RNF167: variants seen among roughly 807,000 people sequenced by gnomAD.
RNF167 encodes ring finger protein 167, also known as E3 ubiquitin-protein ligase RNF167.
RNF167 carries 19 observed loss-of-function variants against 34.8 expected under a neutral mutation model. The ratio of observed to expected loss-of-function variants is 0.55; its 90% confidence interval spans 0.38 to 0.80. RNF167 has a LOEUF of 0.80. Among genes scored for constraint, RNF167 ranks in the 30% least tolerant of loss-of-function variants. The pLI, the probability that RNF167 is intolerant of heterozygous loss-of-function variation, is 0.00. For missense variants in RNF167, 464 were observed against 447.0 expected, an observed-to-expected ratio of 1.04 and a Z score of -0.34; for synonymous variants, 200 against 170.4, an observed-to-expected ratio of 1.17 and a Z score of -1.35.
In RNF167 at chr17:4,943,446, C is replaced by G. The variant is rs1464234149; in HGVS notation, c.597C>G (p.His199Gln). The G allele has an allele frequency of 1.2e-6, 2 of 1,613,810 alleles. No homozygotes were observed. The highest frequency in any genetic ancestry group is 1.3e-5 in the African/African-American group (1 of 74,898). Reference protein sequence around the residue: ...GAVMIARCIQHRKRLQRNRLT... With the variant: ...GAVMIARCIQQRKRLQRNRLT... ...CCCAGATAGCTCGTTGTATCCAGCACCGGAAACGGCTCCAGCGGAATCGAC... is the reference window on the plus strand; with the variant it reads ...CCCAGATAGCTCGTTGTATCCAGCAGCGGAAACGGCTCCAGCGGAATCGAC... Residue 199 changes from histidine to glutamine, a missense_variant, in exon 8 of 10, where the codon CAC (histidine) becomes CAG (glutamine). By Grantham distance (24) the His-to-Gln change is conservative (BLOSUM62 0). Transcript: ENST00000262482.
chr17:4,944,687 A>G, intron 9 of RNF167, 28 bp from the exon 10 acceptor site: 1 of 1,614,090 alleles, frequency 6.2e-7, no homozygotes, highest in Middle Eastern at 1.6e-4. Context: ...AGCAGCCACC[A>G]GGTGCTTCAC....
At position 4,940,969 on chromosome 17, in the gene RNF167, C is replaced by T; in HGVS notation, c.60C>T (p.Ala20=). The change falls in exon 2 of 10, where the codon GCC becomes GCT. Residue 20 remains alanine (A), a synonymous_variant. Coordinates refer to ENST00000262482, the MANE Select transcript of RNF167 (RefSeq NM_015528.3). Reference sequence around the variant, plus strand: ...TGGCCGCTGTGCTGTGGGGAGCGGCCCCGACCCGGGGGCTCATTCGAGCGG... The same window carrying T: ...TGGCCGCTGTGCTGTGGGGAGCGGCTCCGACCCGGGGGCTCATTCGAGCGG... ...VVVAAVLWGA[A]PTRGLIRATS... is the part of the protein sequence containing the mutation. 6.2e-7 allele frequency: 1 copy of T among 1,612,284 alleles called. No individual in the cohort carries two copies. Among genetic ancestry groups the T allele is most frequent in the Non-Finnish European group, 8.5e-7 (1 of 1,178,688 alleles).
Position 4,944,972 on chromosome 17 carries a change from G to A in RNF167, c.1009G>A (p.Asp337Asn), listed in dbSNP as rs866470390. 1 of 1,591,760 alleles carries A rather than the reference G, an allele frequency of 6.3e-7. No individual in the cohort carries two copies. The highest frequency in any genetic ancestry group is 8.6e-7 in the Non-Finnish European group (1 of 1,168,702). ...APLVFPGPST[D>N]PPLSPPSSPV... Reference sequence around the variant, plus strand: ...CCTTGTTTTTCCTGGGCCTTCAACAGATCCCCCACTGTCCCCTCCCTCTTC... The same window carrying A: ...CCTTGTTTTTCCTGGGCCTTCAACAAATCCCCCACTGTCCCCTCCCTCTTC... The change falls in exon 10 of 10, where the codon GAT becomes AAT. Residue 337 changes from aspartate to asparagine, a missense_variant. Transcript: ENST00000262482.
Position 4,944,943 on chromosome 17 carries a change from C to T in RNF167, c.980C>T (p.Ala327Val), listed in dbSNP as rs148409943. 6.8e-6 allele frequency: 11 copies of T among 1,606,334 alleles called. No individual in the cohort carries two copies. The East Asian group carries it at 1.6e-4, about 23-fold the overall frequency. The change falls in exon 10 of 10, where the codon GCT (alanine) becomes GTT (valine). Residue 327 changes from alanine (A) to valine (V), a missense_variant. Ala to Val is a moderately conservative substitution (Grantham distance 64, BLOSUM62 0). Transcript: ENST00000262482. ...ACCTCCTTTGGTTCCTTAGCCCCAG[C>T]TCCCCTTGTTTTTCCTGGGCCTTCA... ...LPTSFGSLAP[A>V]PLVFPGPSTD...
intron 8 of RNF167, chr17:4,944,354 C>G (rs961248262): frequency 7.9e-7 from 1 of 1,265,822 alleles, no homozygotes; most frequent in African/African-American, 1.6e-5. Flanking sequence ...CAAAAACCCA[C>G]TTCCCTTCTT....
Position 4,944,995 on chromosome 17 carries a change from T to G in RNF167, c.1032T>G (p.Ser344=). The G allele has an allele frequency of 6.4e-7, 1 of 1,562,644 alleles. No homozygotes were observed. The highest frequency in any genetic ancestry group is 8.7e-7 in the Non-Finnish European group (1 of 1,154,472). Residue 344 remains serine, a synonymous_variant, in exon 10 of 10, where the codon TCT becomes TCG. Coordinates refer to ENST00000262482, the MANE Select transcript of RNF167 (RefSeq NM_015528.3). The part of the protein sequence containing the change: ...PSTDPPLSPP[S]SPVILV ...CAGATCCCCCACTGTCCCCTCCCTC[T>G]TCCCCTGTTATCCTGGTCTAATAAC...
intron 4 of RNF167, 25 bp downstream of exon 4, chr17:4,942,491 G>A: frequency 1.2e-6 from 2 of 1,613,580 alleles, no homozygotes; most frequent in South Asian, 1.1e-5. Context: ...AAGGGGAGCT[G>A]GGCAGCTGAG....
Position 4,942,581 on chromosome 17 carries a change from T to C in RNF167, c.296T>C (p.Leu99Pro). The stretch of plus-strand genomic sequence containing the variant: ...TCCTCTGCCTTGTCTCCCTAGGTCC[T>C]AAATGCCCAGAAGGCTGGATATGGT... The part of the protein sequence containing the change: ...RFDCNFDLKV[L>P]NAQKAGYGAA... Residue 99 changes from leucine (L) to proline (P), a missense_variant, in exon 5 of 10, where the codon CTA (leucine) becomes CCA (proline). By Grantham distance (98) the Leu-to-Pro change is moderately conservative. Coordinates refer to ENST00000262482, the MANE Select transcript of RNF167 (RefSeq NM_015528.3). 6.2e-7 allele frequency: 1 copy of C among 1,614,152 alleles called. No individual in the cohort carries two copies. The highest frequency in any genetic ancestry group is 8.5e-7 in the Non-Finnish European group (1 of 1,180,002).
rs753847486 is a variant in RNF167, at chr17:4,942,324, T to C, written c.166-17T>C. The C allele has an allele frequency of 1.2e-6, 2 of 1,612,318 alleles. No individual in the cohort carries two copies. On this transcript the variant is annotated splice_polypyrimidine_tract_variant and intron_variant, in intron 3 of 9. Transcript: ENST00000262482. The stretch of plus-strand genomic sequence containing the variant: ...TAGAAAGGAGAAATCTCACTGTTGT[T>C]TGCTTCCATCCTTCAGGGGTTCCTT...
In RNF167 at chr17:4,943,522, GA is replaced by G. The variant is rs1486528753; in HGVS notation, c.670+4del. 1 of 1,610,000 alleles carries G rather than the reference GA, an allele frequency of 6.2e-7. No homozygotes were observed. The highest frequency in any genetic ancestry group is 2.2e-5 in the East Asian group (1 of 44,876). ...TCCTACACATGACTATCAGAAGGGTGAGGGGGTTAGGGGAGAAGAGGGCTTT... is the reference window on the plus strand; with the variant it reads ...TCCTACACATGACTATCAGAAGGGTGGGGGGTTAGGGGAGAAGAGGGCTTT... On this transcript the variant is annotated splice_donor_region_variant and intron_variant, in intron 8 of 9. Coordinates refer to ENST00000262482, the MANE Select transcript of RNF167 (RefSeq NM_015528.3).
chr17:4,943,455 G>A lies in RNF167; in HGVS notation c.606G>A (p.Arg202=), dbSNP rs1413072568. ...MIARCIQHRK[R]LQRNRLTKEQ... ...CTCGTTGTATCCAGCACCGGAAACG[G>A]CTCCAGCGGAATCGACTTACCAAAG... Residue 202 remains arginine (R), a synonymous_variant, in exon 8 of 10, where the codon CGG becomes CGA. Coordinates refer to ENST00000262482, the MANE Select transcript of RNF167 (RefSeq NM_015528.3). 5.0e-6 allele frequency: 8 copies of A among 1,613,862 alleles called. No homozygotes were observed. Among genetic ancestry groups the A allele is most frequent in the South Asian group, 3.3e-5 (3 of 91,032 alleles).
In RNF167 at chr17:4,941,066, T is replaced by C; in HGVS notation, c.85-11T>C. 6.2e-7 allele frequency: 1 copy of C among 1,614,180 alleles called. No homozygotes were observed. Among genetic ancestry groups the C allele is most frequent in the South Asian group, 1.1e-5 (1 of 91,076 alleles). On this transcript the variant is annotated splice_polypyrimidine_tract_variant and intron_variant, in intron 2 of 9. Transcript: ENST00000262482. ...CAGGCTGAAGGGGAACATCGCCTTTTTTGTCCGCAGACCTCGGACCACAAT... is the reference window on the plus strand; with the variant it reads ...CAGGCTGAAGGGGAACATCGCCTTTCTTGTCCGCAGACCTCGGACCACAAT...
At chr17:4,942,823 C>G in intron 5 of RNF167, 28 bp from the exon 6 acceptor site, 1 of 1,608,610 alleles carries the variant, frequency 6.2e-7, no homozygotes, top group East Asian at 2.2e-5. Flanking sequence ...GGTTGTGAGT[C>G]CCCAGAGTAA....
chr17:4,944,176 G>A (rs1229565510), intron 8 of RNF167, among the ~76,000 whole-genome samples: 1 of 152,214 alleles, frequency 6.6e-6, no homozygotes, highest in African/African-American at 2.4e-5. Flanking sequence ...GATGTGGACA[G>A]AGCAGAAAAA....
rs896774479 is a variant in RNF167, at chr17:4,940,301, G to A, written c.-483G>A. 1.1e-5 allele frequency: 2 copies of A among 177,918 alleles called. No homozygotes were observed. Among genetic ancestry groups the A allele is most frequent in the African/African-American group, 4.7e-5 (2 of 42,136 alleles). The allele number at this position is 177,918 out of a possible 1,614,324, so 11.0% of individuals were successfully genotyped here. A position where few individuals can be genotyped will look rare whatever the true frequency, so the allele number is the denominator to read the frequency against. On this transcript the variant is annotated 5_prime_UTR_variant, in exon 1 of 10. Coordinates refer to ENST00000262482, the MANE Select transcript of RNF167 (RefSeq NM_015528.3). ...CAACTATTCAGCTGCGAGGGGACGG[G>A]AGAGGTGGTGAGCACTCTCGCGAGA...
At chr17:4,944,434 C>T in intron 8 of RNF167, 124 bp from the exon 9 acceptor site, 1 of 1,465,792 alleles carries the variant, frequency 6.8e-7, no homozygotes, top group African/African-American at 1.4e-5. Flanking sequence ...CCTTATCCTG[C>T]CTACCTGTCT....
rs772046058 is a variant in RNF167, at chr17:4,941,098, A to G, written c.106A>G (p.Met36Val). The change falls in exon 3 of 10, where the codon ATG (methionine) becomes GTG (valine). Residue 36 changes from methionine to valine, a missense_variant. Met to Val is a conservative substitution (Grantham distance 21). Transcript: ENST00000262482. ...GCAGACCTCGGACCACAATGCCAGC[A>G]TGGACTTTGCAGACCTTCCAGCTCT... Reference protein sequence around the residue: ...IRATSDHNASMDFADLPALFG... With the variant: ...IRATSDHNASVDFADLPALFG... 18 of 1,614,126 alleles carry G rather than the reference A, an allele frequency of 1.1e-5. No homozygotes were observed. The highest frequency in any genetic ancestry group is 2.2e-5 in the South Asian group (2 of 91,086).
At position 4,942,924 on chromosome 17, in the gene RNF167, C is replaced by T. The variant is rs1567658811; in HGVS notation, c.453C>T (p.Leu151=). ...GERSSEYLRA[L]FVYEKGARVL... is the part of the protein sequence containing the mutation. ...GAAGCTCCGAGTACCTGCGTGCCCT[C>T]TTTGTCTACGAGAAGGGGTAGGACA... Residue 151 remains leucine, a synonymous_variant, in exon 6 of 10, where the codon CTC becomes CTT. Coordinates refer to ENST00000262482, the MANE Select transcript of RNF167 (RefSeq NM_015528.3). 8.1e-6 allele frequency: 13 copies of T among 1,614,046 alleles called. No homozygotes were observed. Among genetic ancestry groups the T allele is most frequent in the Non-Finnish European group, 1.1e-5 (13 of 1,179,974 alleles).
chr17:4,944,524 A>G lies in RNF167; in HGVS notation c.671-34A>G, dbSNP rs373639395. 439 of 1,537,800 alleles carry G rather than the reference A, an allele frequency of 2.9e-4. 4 individuals carry two copies. The South Asian group carries it at 3.3e-3, about 12-fold the overall frequency. On this transcript the variant is annotated intron_variant, in intron 8 of 9. Coordinates refer to ENST00000262482, the MANE Select transcript of RNF167 (RefSeq NM_015528.3). Reference sequence around the variant, plus strand: ...CCTTAGCCCTGGGTCATTGTGGCTCAGTGAAGGACTAGATTATTTTCTTTC... The same window carrying G: ...CCTTAGCCCTGGGTCATTGTGGCTCGGTGAAGGACTAGATTATTTTCTTTC...
Sources: allele counts gnomAD v4.1 joint callset (sites outside exome capture counted in the v4.1 genomes callset), GRCh38; gene constraint gnomAD v4.1.1; transcripts MANE v1.5; gene names NCBI Gene and HGNC (gene_info 2026-07-23, HGNC 2026-07-21).